Variants in CDKAL1 observed in about 807,000 individuals in gnomAD.
CDKAL1 encodes the protein CDKAL1 threonylcarbamoyladenosine tRNA methylthiotransferase, also known as threonylcarbamoyladenosine tRNA methylthiotransferase.
CDKAL1 carries 32 observed loss-of-function variants against 68.2 expected under a neutral mutation model. The ratio of observed to expected loss-of-function variants is 0.47; its 90% CI spans 0.35 to 0.63. The LOEUF is 0.63. Among genes scored for constraint, CDKAL1 ranks in the 30% least tolerant of loss-of-function variants. CDKAL1 has a pLI of 0.00. For synonymous variants in CDKAL1, 234 were observed against 244.3 expected (o/e 0.96, Z 0.39); for missense variants, 606 against 696.7 (o/e 0.87, Z 1.47).
In CDKAL1 at chr6:20,739,513, T is replaced by C. The variant is rs771714068; in HGVS notation, c.372-6T>C. The C allele has an allele frequency of 6.3e-7, 1 of 1,597,478 alleles. No individual in the cohort carries two copies. Among genetic ancestry groups the C allele is most frequent in the Non-Finnish European group, 8.6e-7 (1 of 1,167,270 alleles). ...AATTCACATTGTCTTCTCTTCAATC[T>C]TTTAGAAAAGCTCAAGAGGAGAACA... On this transcript the variant is annotated splice_polypyrimidine_tract_variant and splice_region_variant and intron_variant, in intron 5 of 15. Transcript: ENST00000274695.
chr6:21,122,048 T>C (rs1385112108), intron 13 of CDKAL1, among the ~76,000 whole-genome samples: 1 of 152,218 alleles, frequency 6.6e-6, no homozygotes, highest in Non-Finnish European at 1.5e-5. Context: ...TGGAGCTCAG[T>C]TTAAACATTT....
chr6:21,200,446 G>A (rs1273079377), intron 14 of CDKAL1, among the ~76,000 whole-genome samples: 12 of 152,294 alleles, frequency 7.9e-5, no homozygotes, highest in Admixed American at 7.2e-4. Flanking sequence ...TTATTGGAAG[G>A]TTCTTTTAAA....
At chr6:20,677,799 T>C (rs1188951045) in intron 5 of CDKAL1, among the ~76,000 whole-genome samples, 2 of 152,232 alleles carry the variant, frequency 1.3e-5, no homozygotes, top group East Asian at 3.8e-4. Context: ...GTTTACTGTT[T>C]TAAATCCTAG....
intron 6 of CDKAL1, among the ~76,000 whole-genome samples, chr6:20,755,724 A>G (rs1774139908): frequency 6.6e-6 from 1 of 152,154 alleles, no homozygotes; most frequent in Non-Finnish European, 1.5e-5. Flanking sequence ...TTTGGCTCCT[A>G]CTGTAGAACT....
At chr6:21,071,608 G>C (rs114128837) in intron 12 of CDKAL1, among the ~76,000 whole-genome samples, 2,620 of 152,070 alleles carry the variant, frequency 0.017, 71 homozygotes, top group African/African-American at 0.06. Flanking sequence ...GTTTTTTCTT[G>C]ATTCTGGTCG....
At chr6:20,740,325 T>C (rs897356331) in intron 6 of CDKAL1, among the ~76,000 whole-genome samples, 5 of 152,198 alleles carry the variant, frequency 3.3e-5, no homozygotes, top group African/African-American at 1.2e-4. Flanking sequence ...AGCATACTTT[T>C]TTTTGGGGGG....
chr6:20,979,985 T>C (rs1766033224), intron 10 of CDKAL1, among the ~76,000 whole-genome samples: 1 of 151,868 alleles, frequency 6.6e-6, no homozygotes, highest in Non-Finnish European at 1.5e-5. Context: ...TTGGCCAGGC[T>C]GATCTCAAAC....
chr6:20,856,574 A>G (rs1213701887), intron 9 of CDKAL1, among the ~76,000 whole-genome samples: 1 of 151,902 alleles, frequency 6.6e-6, no homozygotes, highest in Non-Finnish European at 1.5e-5. Flanking sequence ...CCAAAGGGGT[A>G]TGTCCACCTA....
rs1039494126 is a variant in CDKAL1 at position 20,954,844 on chromosome 6, T to G, written c.743-575T>G. On this transcript the variant is annotated intron_variant, in intron 9 of 15. Transcript: ENST00000274695. Reference sequence around the variant, plus strand: ...GGTTTTCCAACACAAACACTCAGTTTAGGCAGCAACCAACTTTTTTGAATG... The same window carrying G: ...GGTTTTCCAACACAAACACTCAGTTGAGGCAGCAACCAACTTTTTTGAATG... Among the ~76,000 whole-genome samples, 9 of 152,238 alleles carry G rather than the reference T, an allele frequency of 5.9e-5. No homozygotes were observed. In the East Asian group the frequency reaches 1.5e-3, roughly 26 times the overall value.
At chr6:20,933,182 G>A (rs539841174) in intron 9 of CDKAL1, among the ~76,000 whole-genome samples, 34 of 152,308 alleles carry the variant, frequency 2.2e-4, no homozygotes, top group East Asian at 1.9e-3. Context: ...TTCAGCCATC[G>A]TAAAGAAAGA....
intron 8 of CDKAL1, among the ~76,000 whole-genome samples, chr6:20,825,538 G>A (rs1439969116): frequency 2.0e-5 from 3 of 152,090 alleles, no homozygotes; most frequent in African/African-American, 7.2e-5. Flanking sequence ...GTAGGGTTTG[G>A]TGGGGTTTTT....
In CDKAL1 at chr6:20,560,135, T is replaced by C. The variant is rs80279493; in HGVS notation, c.286+11430T>C. On this transcript the variant is annotated intron_variant, in intron 4 of 15. Transcript: ENST00000274695. Reference sequence around the variant, plus strand: ...CAAGAGATGGCAATATTGCATTACATGATCACTGCAGTTACACTATTATAA... The same window carrying C: ...CAAGAGATGGCAATATTGCATTACACGATCACTGCAGTTACACTATTATAA... Among the ~76,000 whole-genome samples, 1,089 of 152,340 alleles carry C rather than the reference T, an allele frequency of 7.1e-3. 15 individuals are homozygous for C. The highest frequency in any genetic ancestry group is 0.035 in the East Asian group (184 of 5,188).
intron 13 of CDKAL1, among the ~76,000 whole-genome samples, chr6:21,163,034 T>TGAAC (rs1222859510): frequency 6.6e-6 from 1 of 152,162 alleles, no homozygotes; most frequent in Non-Finnish European, 1.5e-5. Context: ...ATGCCACAGC[T>TGAAC]GAACCCTTCT....
chr6:20,640,168 A>G lies in CDKAL1; in HGVS notation c.287-9125A>G, dbSNP rs113476989. ...GACTTGTCTTCCAGAGTTCTGTGGT[A>G]AAGAAACTCTCAAAACATGCTTTTT... On this transcript the variant is annotated intron_variant, in intron 4 of 15. Transcript: ENST00000274695. Among the ~76,000 whole-genome samples the G allele has an allele frequency of 5.5e-3, 671 of 121,568 alleles. 5 individuals are homozygous for G. Among genetic ancestry groups the G allele is most frequent in the African/African-American group, 0.022 (637 of 29,220 alleles). 79.8% of individuals were successfully genotyped at this position (121,568 alleles called of 152,430 possible).
At chr6:20,698,705 A>C (rs1263848431) in intron 5 of CDKAL1, among the ~76,000 whole-genome samples, 1 of 152,172 alleles carries the variant, frequency 6.6e-6, no homozygotes, top group Non-Finnish European at 1.5e-5. Context: ...AAACAACTTT[A>C]TTTTTAATAT....
chr6:20,541,255 A>G (rs1355929771), intron 2 of CDKAL1, among the ~76,000 whole-genome samples: 1 of 152,208 alleles, frequency 6.6e-6, no homozygotes, highest in Non-Finnish European at 1.5e-5. Context: ...CAAGAACAGA[A>G]TACCCACCTC....
At chr6:20,758,880 A>T (rs1180914682) in intron 7 of CDKAL1, among the ~76,000 whole-genome samples, 1 of 152,118 alleles carries the variant, frequency 6.6e-6, no homozygotes, top group Non-Finnish European at 1.5e-5. Flanking sequence ...TACTCCTGTA[A>T]CCCCAGCAGT....
intron 8 of CDKAL1, among the ~76,000 whole-genome samples, chr6:20,805,672 A>C (rs568818734): frequency 1.1e-4 from 16 of 152,344 alleles, no homozygotes; most frequent in African/African-American, 3.8e-4. Context: ...CAGTCAGAAA[A>C]ATTAAGACAA....
chr6:21,000,161 G>A (rs867600795), intron 10 of CDKAL1, 66 bp from the exon 11 acceptor site: 28 of 1,296,556 alleles, frequency 2.2e-5, no homozygotes, highest in Non-Finnish European at 2.9e-5. Flanking sequence ...TTGTGGTGTT[G>A]ATGTGAGGAA....
Sources: allele counts gnomAD v4.1 joint callset (sites outside exome capture counted in the v4.1 genomes callset), GRCh38; gene constraint gnomAD v4.1.1; transcripts MANE v1.5; gene names NCBI Gene and HGNC (gene_info 2026-07-23, HGNC 2026-07-21).